MYO5A: variants seen among roughly 807,000 people sequenced by gnomAD.
MYO5A encodes myosin VA.
MYO5A carries 98 observed loss-of-function variants against 249.7 expected under a neutral mutation model. The observed-to-expected ratio is 0.39, with a 90% CI of 0.33 to 0.46. The LOEUF (loss-of-function observed/expected upper bound fraction) is 0.46, where lower values mean the gene tolerates loss of function less well. Ranked by LOEUF, MYO5A falls within the 20% of genes least tolerant of loss-of-function variation. The pLI, the probability that MYO5A is intolerant of heterozygous loss-of-function variation, is 0.98. For synonymous variants in MYO5A, 778 were observed against 810.6 expected (o/e 0.96, Z 0.68); for missense variants, 1,696 against 2,308.8 (o/e 0.73, Z 5.44).
At chr15:52,379,757 T>C (rs1402983665) in intron 17 of MYO5A, 24 bp from the exon 18 acceptor site, 1 of 1,613,794 alleles carries the variant, frequency 6.2e-7, no homozygotes. Context: ...ACCATCTGAG[T>C]TTACTTAAAG....
chr15:52,321,316 A>T, intron 38 of MYO5A, 43 bp downstream of exon 38: 1 of 1,613,294 alleles, frequency 6.2e-7, no homozygotes, highest in Non-Finnish European at 8.5e-7. Flanking sequence ...GATGGGCATG[A>T]ATGATAGGCA....
At chr15:52,331,327 T>C (rs1203145925) in intron 34 of MYO5A, among the ~76,000 whole-genome samples, 1 of 152,110 alleles carries the variant, frequency 6.6e-6, no homozygotes, top group African/African-American at 2.4e-5. Context: ...TAGAGAATTA[T>C]GCTAAAGGTT....
At chr15:52,352,301 A>G (rs1158129884) in intron 27 of MYO5A, among the ~76,000 whole-genome samples, 3 of 152,234 alleles carry the variant, frequency 2.0e-5, no homozygotes, top group African/African-American at 4.8e-5. Flanking sequence ...AAGTGTCACA[A>G]GATACTGGTT....
At chr15:52,315,430 A>G (rs2037953440) in intron 40 of MYO5A, among the ~76,000 whole-genome samples, 1 of 151,768 alleles carries the variant, frequency 6.6e-6, no homozygotes, top group Non-Finnish European at 1.5e-5. Flanking sequence ...GTCTCTGTGC[A>G]GTGGCACAAT....
intron 2 of MYO5A, among the ~76,000 whole-genome samples, chr15:52,430,322 G>T (rs374673502): frequency 6.6e-6 from 1 of 152,104 alleles, no homozygotes; most frequent in East Asian, 1.9e-4. Flanking sequence ...TTCATTACAG[G>T]GTGGGGTTGT....
chr15:52,506,481 C>G (rs146647534), intron 1 of MYO5A, among the ~76,000 whole-genome samples: 1 of 150,236 alleles, frequency 6.7e-6, no homozygotes, highest in African/African-American at 2.5e-5. Context: ...TAGCCGAGAT[C>G]GCGCCATTGT....
At chr15:52,426,299 C>T (rs556130781) in intron 3 of MYO5A, among the ~76,000 whole-genome samples, 34 of 147,054 alleles carry the variant, frequency 2.3e-4, no homozygotes, top group Admixed American at 1.2e-3. Flanking sequence ...ATGAAATAAT[C>T]AGAAATTCAT....
chr15:52,354,032 C>T lies in MYO5A; in HGVS notation c.3424-18G>A, dbSNP rs776548296. 3.7e-6 allele frequency: 6 copies of T among 1,613,864 alleles called. No homozygotes were observed. Among genetic ancestry groups the T allele is most frequent in the African/African-American group, 2.7e-5 (2 of 74,910 alleles). On this transcript the variant is annotated intron_variant, in intron 25 of 41. Transcript: ENST00000399233. The stretch of plus-strand genomic sequence containing the variant: ...CTTGGTTCCTAAACCCCAGGAATCA[C>T]AAAGATGGTCAAGACAAGCCAGAAG...
At chr15:52,399,436 C>T (rs1219599992) in intron 9 of MYO5A, among the ~76,000 whole-genome samples, 1 of 152,276 alleles carries the variant, frequency 6.6e-6, no homozygotes, top group East Asian at 1.9e-4. Flanking sequence ...ATTACAGGCA[C>T]ACACCATGCA....
In MYO5A at chr15:52,424,860, T is replaced by C. The variant is rs200990662; in HGVS notation, c.455+970A>G. On this transcript the variant is annotated intron_variant, in intron 4 of 41. Coordinates refer to ENST00000399233, the MANE Select transcript of MYO5A (RefSeq NM_001382347.1). The stretch of plus-strand genomic sequence containing the variant: ...CTGAAAGTAACATTTTTCTCCCATT[T>C]TCCACCCTCAAAATGTTAGGGTTCC... Among the ~76,000 whole-genome samples, 5 of 152,348 alleles carry C rather than the reference T, an allele frequency of 3.3e-5. No individual in the cohort carries two copies. The East Asian group carries it at 9.6e-4, about 29-fold the overall frequency.
chr15:52,341,785 T>C (rs2039396289), intron 31 of MYO5A, among the ~76,000 whole-genome samples: 1 of 152,214 alleles, frequency 6.6e-6, no homozygotes, highest in African/African-American at 2.4e-5. Flanking sequence ...AACATTTGAG[T>C]GTTTTAAAAA....
At chr15:52,474,796 T>A (rs1301318154) in intron 1 of MYO5A, among the ~76,000 whole-genome samples, 2 of 152,210 alleles carry the variant, frequency 1.3e-5, no homozygotes, top group African/African-American at 4.8e-5. Flanking sequence ...TTTGCCAGTA[T>A]TTTATTGAGG....
chr15:52,419,182 G>A (rs569664532), intron 4 of MYO5A, among the ~76,000 whole-genome samples: 4 of 152,194 alleles, frequency 2.6e-5, no homozygotes, highest in Non-Finnish European at 5.9e-5. Flanking sequence ...ACATGCACCT[G>A]CACCTAGGTC....
chr15:52,355,360 A>G (rs2040166259), intron 25 of MYO5A, among the ~76,000 whole-genome samples: 1 of 152,190 alleles, frequency 6.6e-6, no homozygotes, highest in South Asian at 2.1e-4. Flanking sequence ...AATGATTATC[A>G]CATTTTTACT....
At chr15:52,332,294 T>C (rs1229398779) in intron 34 of MYO5A, among the ~76,000 whole-genome samples, 1 of 152,188 alleles carries the variant, frequency 6.6e-6, no homozygotes, top group Non-Finnish European at 1.5e-5. Flanking sequence ...GGTTATGAAA[T>C]ACAGTATTTT....
intron 20 of MYO5A, 140 bp from the exon 21 acceptor site, chr15:52,372,503 T>G (rs1031312842): frequency 8.6e-7 from 1 of 1,169,444 alleles, no homozygotes; most frequent in Non-Finnish European, 1.2e-6. Flanking sequence ...ATGTAGATTA[T>G]ACTTATCACA....
intron 1 of MYO5A, among the ~76,000 whole-genome samples, chr15:52,521,432 A>G: frequency 6.6e-6 from 1 of 152,134 alleles, no homozygotes; most frequent in East Asian, 1.9e-4. Flanking sequence ...CCAGGACTAT[A>G]TGTTTTTGTA....
In MYO5A at chr15:52,330,478, G is replaced by T; in HGVS notation, c.4430C>A (p.Ser1477Tyr). 3.1e-6 allele frequency: 5 copies of T among 1,614,042 alleles called. No individual in the cohort carries two copies. Among genetic ancestry groups the T allele is most frequent in the Non-Finnish European group, 4.2e-6 (5 of 1,179,976 alleles). Residue 1477 changes from serine (S) to tyrosine (Y), a missense_variant, in exon 35 of 42, where the codon TCC (serine) becomes TAC (tyrosine). Around this residue, in one of 5 missense-constraint regions of MYO5A, gnomAD observed 625 missense variants for 908.1 expected, o/e 0.69. Coordinates refer to ENST00000399233, the MANE Select transcript of MYO5A (RefSeq NM_001382347.1). Reference sequence around the variant, plus strand: ...GGGTTCATCAATGATCTGTCCTGGGGATATGTTCTCCATCTGGCCCACTTT... The same window carrying T: ...GGGTTCATCAATGATCTGTCCTGGGTATATGTTCTCCATCTGGCCCACTTT... ...ELEVGQMENI[S>Y]PGQIIDEPIR... is the part of the protein sequence containing the mutation.
rs1391826081 is a variant in MYO5A, at chr15:52,308,818, CA to C, written c.*4877del. On this transcript the variant is annotated 3_prime_UTR_variant, in exon 42 of 42. Transcript: ENST00000399233. ...AAGGCAGCTCTAGAAGGGAAGGGAG[CA>C]AGGGTTAAGGCGGCCCTCACAGCAC... 1 of 152,798 alleles carries C rather than the reference CA, an allele frequency of 6.5e-6. No individual in the cohort carries two copies. Among genetic ancestry groups the C allele is most frequent in the Non-Finnish European group, 1.5e-5 (1 of 68,182 alleles). The allele number at this position is 152,798 out of a possible 1,614,324, so 9.5% of individuals were successfully genotyped here. A position where few individuals can be genotyped will look rare whatever the true frequency, so the allele number is the denominator to read the frequency against.
Sources: gnomAD v4.1 joint callset for allele counts (sites outside exome capture counted in the v4.1 genomes callset) on GRCh38, gnomAD v4.1.1 for gene constraint, gnomAD v4.1.1 regional missense constraint, MANE v1.5 for transcripts, NCBI Gene and HGNC (gene_info 2026-07-23, HGNC 2026-07-21) for gene names.